The following BRINP3 variants were observed in gnomAD, a reference collection of about 807,000 sequenced individuals.
BRINP3 encodes BMP/retinoic acid-inducible neural-specific protein 3.
Under a neutral mutation model 71.0 loss-of-function variants are expected in BRINP3, and 19 were observed. The ratio of observed to expected loss-of-function variants is 0.27; its 90% CI spans 0.19 to 0.39. The LOEUF (loss-of-function observed/expected upper bound fraction) is 0.39. Among genes scored for constraint, BRINP3 ranks in the 10% least tolerant of loss-of-function variants. BRINP3 has a pLI of 1.00. For missense variants in BRINP3, 959 were observed against 940.8 expected (o/e 1.02, Z -0.25); for synonymous variants, 380 against 337.7 (o/e 1.13, Z -1.37).
Position 190,138,856 on chromosome 1 carries a change from C to T in BRINP3, c.1184+21812G>A, listed in dbSNP as rs187625431. Among the ~76,000 whole-genome samples, 28 of 152,196 alleles carry T rather than the reference C, an allele frequency of 1.8e-4. No individual in the cohort carries two copies. The East Asian group carries it at 5.4e-3, about 30-fold the overall frequency. On this transcript the variant is annotated intron_variant, in intron 7 of 7. Transcript: ENST00000367462. ...GGAAGATGCTGAGTAGCCTGTGTAG[C>T]TTTGTCTCCTTCAGAGCCTGAGTCC...
At chr1:190,131,854 T>A (rs1315765175) in intron 7 of BRINP3, among the ~76,000 whole-genome samples, 1 of 152,048 alleles carries the variant, frequency 6.6e-6, no homozygotes, top group Non-Finnish European at 1.5e-5. Flanking sequence ...ATTATCAGAT[T>A]TAATATTCTG....
intron 2 of BRINP3, among the ~76,000 whole-genome samples, chr1:190,322,043 T>C (rs963739833): frequency 6.6e-6 from 1 of 151,974 alleles, no homozygotes; most frequent in Non-Finnish European, 1.5e-5. Flanking sequence ...TGCATATATA[T>C]GTGTGCATAT....
intron 4 of BRINP3, among the ~76,000 whole-genome samples, chr1:190,258,688 C>T (rs903211513): frequency 1.3e-5 from 2 of 152,080 alleles, no homozygotes; most frequent in African/African-American, 4.8e-5. Context: ...GAAATGGAAA[C>T]ATTTCTAGGA....
chr1:190,455,060 A>G, intron 1 of BRINP3, 120 bp from the exon 2 acceptor site: 1 of 532,984 alleles, frequency 1.9e-6, no homozygotes, highest in Middle Eastern at 4.6e-4. Flanking sequence ...TAGTATTATC[A>G]GCAGATAATA....
chr1:190,330,927 T>C (rs1227483639), intron 2 of BRINP3, among the ~76,000 whole-genome samples: 1 of 151,872 alleles, frequency 6.6e-6, no homozygotes, highest in Non-Finnish European at 1.5e-5. Flanking sequence ...TCACTGGGTA[T>C]TCACGGACAT....
intron 2 of BRINP3, among the ~76,000 whole-genome samples, chr1:190,300,211 T>C (rs1664572066): frequency 6.6e-6 from 1 of 152,196 alleles, no homozygotes; most frequent in South Asian, 2.1e-4. Context: ...TTTGGTCTTT[T>C]CACATAGTCC....
In BRINP3 at chr1:190,160,863, A is replaced by G; in HGVS notation, c.989T>C (p.Leu330Pro). Residue 330 changes from leucine (L) to proline (P), a missense_variant, in exon 7 of 8, where the codon CTA (leucine) becomes CCA (proline). Transcript: ENST00000367462. ...TGTGTTGAGGAAATAATTCATAGGT[A>G]GCCTTTTCATAAATAACTTGAATTC... Reference protein sequence around the residue: ...SDEFKLFMKRLPMNYFLNTST... With the variant: ...SDEFKLFMKRPPMNYFLNTST... 1 of 1,606,006 alleles carries G rather than the reference A, an allele frequency of 6.2e-7. No individual in the cohort carries two copies. Among genetic ancestry groups the G allele is most frequent in the Non-Finnish European group, 8.5e-7 (1 of 1,176,942 alleles).
At chr1:190,463,862 G>C (rs1328714594) in intron 1 of BRINP3, among the ~76,000 whole-genome samples, 1 of 151,704 alleles carries the variant, frequency 6.6e-6, no homozygotes, top group Non-Finnish European at 1.5e-5. Flanking sequence ...ACTAAAATTT[G>C]CTACTGTATT....
intron 5 of BRINP3, among the ~76,000 whole-genome samples, chr1:190,229,736 G>T (rs1240527688): frequency 6.7e-6 from 1 of 148,688 alleles, no homozygotes; most frequent in Non-Finnish European, 1.5e-5. Context: ...GTTCCAACTG[G>T]CATATTTCAA....
intron 2 of BRINP3, among the ~76,000 whole-genome samples, chr1:190,363,304 T>A (rs1052811934): frequency 6.6e-6 from 1 of 152,170 alleles, no homozygotes; most frequent in African/African-American, 2.4e-5. Context: ...GTCAACACCT[T>A]GATGCTAGCC....
At chr1:190,117,808 A>T (rs1464796726) in intron 7 of BRINP3, among the ~76,000 whole-genome samples, 2 of 152,016 alleles carry the variant, frequency 1.3e-5, no homozygotes, top group Non-Finnish European at 2.9e-5. Context: ...ATTCAACAAG[A>T]TTCTGCTCAT....
chr1:190,246,299 A>T (rs184181416), intron 4 of BRINP3, among the ~76,000 whole-genome samples: 170 of 152,050 alleles, frequency 1.1e-3, no homozygotes, highest in African/African-American at 3.1e-3. Flanking sequence ...TCCCAGAGGA[A>T]CTTTGTACCT....
At chr1:190,457,747 T>A (rs1410328347) in intron 1 of BRINP3, among the ~76,000 whole-genome samples, 2 of 152,278 alleles carry the variant, frequency 1.3e-5, no homozygotes, top group Admixed American at 1.3e-4. Flanking sequence ...ACATGTGATT[T>A]TTGTAATACA....
intron 7 of BRINP3, among the ~76,000 whole-genome samples, chr1:190,154,988 G>A (rs1178715806): frequency 1.3e-5 from 2 of 152,046 alleles, no homozygotes; most frequent in Admixed American, 1.3e-4. Context: ...GCATTCAAGT[G>A]AACAATACAG....
At chr1:190,155,026 C>T (rs1656744618) in intron 7 of BRINP3, among the ~76,000 whole-genome samples, 1 of 152,102 alleles carries the variant, frequency 6.6e-6, no homozygotes, top group Admixed American at 6.6e-5. Flanking sequence ...AGAAGACTGA[C>T]AGCTTTCTAA....
intron 6 of BRINP3, among the ~76,000 whole-genome samples, chr1:190,203,714 G>A (rs1271384105): frequency 2.3e-5 from 3 of 130,846 alleles, no homozygotes; most frequent in Non-Finnish European, 4.9e-5. Context: ...AAATATAAGT[G>A]TGCATTTTAG....
intron 4 of BRINP3, among the ~76,000 whole-genome samples, chr1:190,257,608 C>G (rs1423414631): frequency 6.6e-6 from 1 of 152,148 alleles, no homozygotes; most frequent in African/African-American, 2.4e-5. Flanking sequence ...CCCCATCTTT[C>G]TAGTTTTATC....
intron 6 of BRINP3, among the ~76,000 whole-genome samples, chr1:190,182,566 A>C (rs908819990): frequency 1.4e-5 from 2 of 147,632 alleles, no homozygotes; most frequent in African/African-American, 5.1e-5. Flanking sequence ...TGACTGCTTG[A>C]TTTTAAAAAA....
chr1:190,260,055 G>C (rs1661042915), intron 4 of BRINP3, among the ~76,000 whole-genome samples: 1 of 139,474 alleles, frequency 7.2e-6, no homozygotes, highest in African/African-American at 2.6e-5. Context: ...AAAAAAAGAA[G>C]CAACTTAAGA....
Sources: gnomAD v4.1 joint callset for allele counts (sites outside exome capture counted in the v4.1 genomes callset) on GRCh38, gnomAD v4.1.1 for gene constraint, MANE v1.5 for transcripts, NCBI Gene and HGNC (gene_info 2026-07-23, HGNC 2026-07-21) for gene names.